The following HK1 variants were observed in gnomAD, a reference collection of about 807,000 sequenced individuals.
HK1 encodes the protein hexokinase-1.
HK1 carries 28 observed loss-of-function variants against 91.6 expected under a neutral mutation model. That is an observed-to-expected ratio of 0.31 (90% confidence interval 0.23 to 0.42). The LOEUF (loss-of-function observed/expected upper bound fraction) is 0.42. Among genes scored for constraint, HK1 ranks in the 10% least tolerant of loss-of-function variants. The probability of loss-of-function intolerance (pLI) is 1.00; values close to 1 mark genes in which losing one functional copy is unlikely to be tolerated. For synonymous variants in HK1, 430 were observed against 468.1 expected (o/e 0.92, Z 1.05); for missense variants, 770 against 1,219.8 (o/e 0.63, Z 5.49).
upstream of HK1, chr10:69,316,130 A>G (rs1846628895): frequency 6.8e-6 from 6 of 878,980 alleles, no homozygotes; most frequent in Non-Finnish European, 1.2e-5. Flanking sequence ...TGAGCGGCGA[A>G]CAAATGGAGT....
chr10:69,400,902 C>A (rs1273615656), intron 17 of HK1, 89 bp from the exon 18 acceptor site: 12 of 1,371,478 alleles, frequency 8.7e-6, no homozygotes, highest in Admixed American at 3.4e-5. Flanking sequence ...CATCACCAGT[C>A]AGGGGGCTGT....
At chr10:69,373,140 A>AAAAG (rs1850103760) in intron 7 of HK1, among the ~76,000 whole-genome samples, 2 of 152,168 alleles carry the variant, frequency 1.3e-5, no homozygotes, top group Non-Finnish European at 2.9e-5. Context: ...AAGTTCTGGG[A>AAAAG]TTACAGACGT....
intron 3 of HK1, among the ~76,000 whole-genome samples, chr10:69,289,990 G>A (rs1845224170): frequency 1.3e-5 from 2 of 151,998 alleles, no homozygotes. Context: ...CCTGGAAAAT[G>A]TTTATAGGAT....
intron 2 of HK1, among the ~76,000 whole-genome samples, chr10:69,352,447 C>T (rs1440874713): frequency 6.6e-6 from 1 of 152,162 alleles, no homozygotes; most frequent in Non-Finnish European, 1.5e-5. Flanking sequence ...CCAGCATTCT[C>T]CCTTGTTCTC....
At position 69,351,236 on chromosome 10, in the gene HK1, G is replaced by A. The variant is rs561949860; in HGVS notation, c.226+7247G>A. On this transcript the variant is annotated intron_variant, in intron 2 of 17. Transcript: ENST00000359426. ...ATAAAACCAAAGCTAGGCCAGGCAC[G>A]GTGGCTCACGCCTATAATCCCAGCA... is the stretch of plus-strand genomic sequence containing the variant. 4.0e-5 allele frequency among the ~76,000 whole-genome samples: 6 copies of A among 149,824 alleles called. No homozygotes were observed. In the East Asian group the frequency reaches 6.0e-4, roughly 15 times the overall value.
chr10:69,290,589 C>T (rs921295370), intron 3 of HK1, among the ~76,000 whole-genome samples: 1 of 152,212 alleles, frequency 6.6e-6, no homozygotes, highest in South Asian at 2.1e-4. Flanking sequence ...ACCTCTGCCT[C>T]CCAGGTTCAT....
intron 1 of HK1, among the ~76,000 whole-genome samples, chr10:69,335,791 G>A (rs1329587422): frequency 1.3e-5 from 2 of 152,222 alleles, no homozygotes; most frequent in Non-Finnish European, 1.5e-5. Flanking sequence ...GTGCCCACAG[G>A]ATGGCAGAGC....
At chr10:69,355,717 G>A (rs527644086) in intron 2 of HK1, among the ~76,000 whole-genome samples, 12 of 152,086 alleles carry the variant, frequency 7.9e-5, no homozygotes, top group African/African-American at 2.2e-4. Flanking sequence ...GCCTGAACCC[G>A]GGAGGTGGAG....
At position 69,367,095 on chromosome 10, in the gene HK1, A is replaced by G. The variant is rs572704711; in HGVS notation, c.496-1441A>G. Among the ~76,000 whole-genome samples, 359 of 152,122 alleles carry G rather than the reference A, an allele frequency of 2.4e-3. 3 individuals carry two copies. The South Asian group carries it at 0.029, about 12-fold the overall frequency. ...AGAAGTGTTGCAGGAGGTGGGAGGG[A>G]ATGACTTCCTGGGCACGAGAGCCTG... is the stretch of plus-strand genomic sequence containing the variant. On this transcript the variant is annotated intron_variant, in intron 4 of 17. Transcript: ENST00000359426.
chr10:69,309,435 C>T (rs1368573341), intron 5 of HK1, among the ~76,000 whole-genome samples: 4 of 142,332 alleles, frequency 2.8e-5, no homozygotes, highest in Non-Finnish European at 6.1e-5. Context: ...CCTGCCTCGG[C>T]CTCCTAAAGT....
intron 5 of HK1, among the ~76,000 whole-genome samples, chr10:69,304,866 T>C (rs1450353083): frequency 2.0e-5 from 3 of 152,172 alleles, no homozygotes; most frequent in Admixed American, 2.0e-4. Flanking sequence ...CTTGTAGCTG[T>C]AGGATTCACA....
rs369835999 is a variant in HK1, at chr10:69,369,400, C to T, written c.692-41C>T. 1.2e-6 allele frequency: 2 copies of T among 1,613,978 alleles called. No individual in the cohort carries two copies. The highest frequency in any genetic ancestry group is 1.7e-6 in the Non-Finnish European group (2 of 1,179,822). On this transcript the variant is annotated intron_variant, in intron 6 of 17. Transcript: ENST00000359426. This position sits in a 1 kb window ranked among gnomAD's most constrained non-coding sequence, Gnocchi z 4.4. The stretch of plus-strand genomic sequence containing the variant: ...ATCTTTCCAGGTGGCTCTGCACCCT[C>T]CCCGTTGTGTGGTCATAGCTTCTGA...
chr10:69,366,351 C>G (rs1849699146), intron 4 of HK1, among the ~76,000 whole-genome samples: 1 of 152,172 alleles, frequency 6.6e-6, no homozygotes, highest in Non-Finnish European at 1.5e-5. Flanking sequence ...TCCACACTTG[C>G]AGGGAGCACC....
At chr10:69,346,057 C>T (rs1589518129) in intron 2 of HK1, among the ~76,000 whole-genome samples, 1 of 150,544 alleles carries the variant, frequency 6.6e-6, no homozygotes, top group Admixed American at 6.6e-5. Flanking sequence ...GGATACCCAA[C>T]CCCCAGTCCA....
At chr10:69,303,703 C>T (rs1845981803) in intron 5 of HK1, among the ~76,000 whole-genome samples, 1 of 152,038 alleles carries the variant, frequency 6.6e-6, no homozygotes, top group African/African-American at 2.4e-5. Flanking sequence ...AAACTTGTAA[C>T]CGCCCAACAG....
At chr10:69,373,645 C>T (rs796476305) in intron 7 of HK1, among the ~76,000 whole-genome samples, 8 of 150,274 alleles carry the variant, frequency 5.3e-5, no homozygotes, top group Middle Eastern at 3.4e-3. Context: ...GGCTGGAGTG[C>T]AGTGATGTGA....
intron 16 of HK1, among the ~76,000 whole-genome samples, chr10:69,395,514 G>T (rs1370251071): frequency 2.0e-5 from 3 of 152,208 alleles, no homozygotes; most frequent in African/African-American, 7.2e-5. Context: ...GGAGGTGGAG[G>T]TTGCAGTGAG....
At chr10:69,273,758 A>G (rs1235112603) in intron 1 of HK1, among the ~76,000 whole-genome samples, 1 of 152,234 alleles carries the variant, frequency 6.6e-6, no homozygotes, top group Non-Finnish European at 1.5e-5. Flanking sequence ...AATTTAAAAC[A>G]TTATATTTTT....
Position 69,369,668 on chromosome 10 carries a change from G to C in HK1, c.875+44G>C, listed in dbSNP as rs1435382385. On this transcript the variant is annotated intron_variant, in intron 7 of 17. Transcript: ENST00000359426. The surrounding 1 kb of genome is among the most constrained non-coding windows in gnomAD (Gnocchi z 4.4). ...CTTCTAACCACATATGTGAGTTAGG[G>C]GACATTTGATGAAAGATTTGGGATG... 3 of 1,555,258 alleles carry C rather than the reference G, an allele frequency of 1.9e-6. No homozygotes were observed. Among genetic ancestry groups the C allele is most frequent in the Non-Finnish European group, 2.6e-6 (3 of 1,133,632 alleles).
Sources: allele counts gnomAD v4.1 joint callset (sites outside exome capture counted in the v4.1 genomes callset), GRCh38; gene constraint gnomAD v4.1.1; non-coding constraint Gnocchi (gnomAD v3.1); transcripts MANE v1.5; gene names NCBI Gene and HGNC (gene_info 2026-07-23, HGNC 2026-07-21).